Variants in RALYL observed in about 807,000 individuals in gnomAD.
RALYL encodes RALY RNA binding protein like.
Under a neutral mutation model 35.1 loss-of-function variants are expected in RALYL, and 29 were observed. The ratio of observed to expected loss-of-function variants is 0.83; its 90% CI spans 0.61 to 1.13. The LOEUF is 1.13. Ranked by LOEUF, RALYL falls within the 50% of genes most tolerant of loss-of-function variation. The pLI is 0.00. For missense variants in RALYL, 359 were observed against 360.4 expected (o/e 1.00, Z 0.03); for synonymous variants, 120 against 127.6 (o/e 0.94, Z 0.40).
At chr8:84,755,808 T>C (rs1196440224) in intron 2 of RALYL, among the ~76,000 whole-genome samples, 1 of 151,866 alleles carries the variant, frequency 6.6e-6, no homozygotes, top group Non-Finnish European at 1.5e-5. Context: ...CACTTAATCA[T>C]CCTTCATTGC....
chr8:84,843,555 C>T (rs1230342111), intron 4 of RALYL, among the ~76,000 whole-genome samples: 2 of 152,230 alleles, frequency 1.3e-5, no homozygotes, highest in Middle Eastern at 3.4e-3. Context: ...AGGTAATTTA[C>T]AGATTCAATG....
At chr8:84,826,871 T>C (rs575750525) in intron 4 of RALYL, among the ~76,000 whole-genome samples, 2 of 152,048 alleles carry the variant, frequency 1.3e-5, no homozygotes, top group East Asian at 3.9e-4. Context: ...CACCAGACAT[T>C]TGAGGAAATA....
intron 1 of RALYL, among the ~76,000 whole-genome samples, chr8:84,388,220 A>G (rs1425687320): frequency 6.6e-6 from 1 of 151,904 alleles, no homozygotes; most frequent in African/African-American, 2.4e-5. Context: ...TATGTGCCAC[A>G]TTTTCTTAAT....
intron 1 of RALYL, among the ~76,000 whole-genome samples, chr8:84,240,618 G>A (rs10112823): frequency 0.52 from 78,511 of 151,990 alleles, 20,459 homozygotes; most frequent in South Asian, 0.6. Flanking sequence ...TGAAGGAGAG[G>A]GGTCTTTATA....
chr8:84,912,749 A>G (rs1034312056), intron 8 of RALYL, among the ~76,000 whole-genome samples: 1 of 152,072 alleles, frequency 6.6e-6, no homozygotes, highest in African/African-American at 2.4e-5. Flanking sequence ...GCCAACCTTC[A>G]CACAAGGGGA....
At chr8:84,293,906 T>C (rs899985119) in intron 1 of RALYL, among the ~76,000 whole-genome samples, 5 of 149,806 alleles carry the variant, frequency 3.3e-5, no homozygotes, top group Admixed American at 1.3e-4. Flanking sequence ...GAAATTCAGT[T>C]TTCTATTTTT....
chr8:84,558,429 T>C (rs778093592), intron 2 of RALYL, among the ~76,000 whole-genome samples: 2 of 152,130 alleles, frequency 1.3e-5, no homozygotes, highest in Non-Finnish European at 2.9e-5. Flanking sequence ...AAGTTACTGT[T>C]TGTGAATCAG....
chr8:84,824,999 G>A (rs1829356957), intron 4 of RALYL, among the ~76,000 whole-genome samples: 1 of 152,142 alleles, frequency 6.6e-6, no homozygotes, highest in Non-Finnish European at 1.5e-5. Flanking sequence ...AAATTGAGAA[G>A]TGGGGCCTAA....
chr8:84,873,166 A>G, intron 6 of RALYL, 118 bp from the exon 7 acceptor site: 1 of 514,618 alleles, frequency 1.9e-6, no homozygotes, highest in East Asian at 3.1e-5. Context: ...AAATTGAAAA[A>G]TGTCCTATGT....
At chr8:84,523,537 T>C (rs1415257389) in intron 1 of RALYL, among the ~76,000 whole-genome samples, 2 of 152,108 alleles carry the variant, frequency 1.3e-5, no homozygotes, top group Non-Finnish European at 2.9e-5. Flanking sequence ...TATTATACTT[T>C]AAGTTTTAGG....
intron 2 of RALYL, among the ~76,000 whole-genome samples, chr8:84,746,428 C>A (rs1457728497): frequency 1.3e-5 from 2 of 151,866 alleles, no homozygotes; most frequent in African/African-American, 4.8e-5. Context: ...GAAAATTTTG[C>A]TTGTGTAATT....
At chr8:84,561,370 C>T (rs1235263492) in intron 2 of RALYL, among the ~76,000 whole-genome samples, 5 of 151,872 alleles carry the variant, frequency 3.3e-5, no homozygotes, top group Non-Finnish European at 7.4e-5. Context: ...CTAAAGGCCA[C>T]AAAGTTACTA....
intron 2 of RALYL, among the ~76,000 whole-genome samples, chr8:84,637,331 T>A (rs1302670537): frequency 3.3e-5 from 5 of 151,882 alleles, no homozygotes; most frequent in African/African-American, 1.2e-4. Flanking sequence ...CAGTTGTTCA[T>A]AGTAGAGGAA....
rs572184888 is a variant in RALYL, at chr8:84,425,502, C to G, written c.-23-103797C>G. On this transcript the variant is annotated intron_variant, in intron 1 of 8. Transcript: ENST00000521268. ...ACCTCAGATGGAAATGCAGAAATCA[C>G]CCGTCTTCTGCGTCGCTCACGCTGG... Among the ~76,000 whole-genome samples, 592 of 152,324 alleles carry G rather than the reference C, an allele frequency of 3.9e-3. 15 individuals carry two copies. Among genetic ancestry groups the G allele is most frequent in the Admixed American group, 0.035 (533 of 15,312 alleles).
chr8:84,791,273 G>A (rs1820719375), intron 3 of RALYL, among the ~76,000 whole-genome samples: 1 of 152,090 alleles, frequency 6.6e-6, no homozygotes, highest in Non-Finnish European at 1.5e-5. Context: ...AGCATTCTAG[G>A]TAGGGGAACT....
chr8:84,713,972 A>G (rs1842585778), intron 2 of RALYL, among the ~76,000 whole-genome samples: 1 of 151,510 alleles, frequency 6.6e-6, no homozygotes. Flanking sequence ...GAATGGATTA[A>G]AAATATGATT....
intron 2 of RALYL, among the ~76,000 whole-genome samples, chr8:84,723,052 T>G (rs751531383): frequency 5.9e-5 from 9 of 151,892 alleles, no homozygotes; most frequent in Non-Finnish European, 1.0e-4. Flanking sequence ...CTTGCATGCA[T>G]AAGTAAAATT....
chr8:84,520,977 C>A (rs1274790745), intron 1 of RALYL, among the ~76,000 whole-genome samples: 2 of 152,182 alleles, frequency 1.3e-5, no homozygotes, highest in Non-Finnish European at 2.9e-5. Flanking sequence ...GAGCTTATTC[C>A]ATTTCCCCAA....
rs549994493 is a variant in RALYL, at chr8:84,884,085, A to G, written c.686-3519A>G. Among the ~76,000 whole-genome samples, 5 of 152,142 alleles carry G rather than the reference A, an allele frequency of 3.3e-5. No individual in the cohort carries two copies. The East Asian group carries it at 9.7e-4, about 29-fold the overall frequency. On this transcript the variant is annotated intron_variant, in intron 7 of 8. Coordinates refer to ENST00000521268, the MANE Select transcript of RALYL (RefSeq NM_173848.7). ...TTATCTCTTCATGTGCAAGGCATTC[A>G]GTGAGGGGTACGGAGCACATCAAAA...
Sources: gnomAD v4.1 joint callset for allele counts (sites outside exome capture counted in the v4.1 genomes callset) on GRCh38, gnomAD v4.1.1 for gene constraint, MANE v1.5 for transcripts, NCBI Gene and HGNC (gene_info 2026-07-23, HGNC 2026-07-21) for gene names.